BCL2: variants seen among roughly 807,000 people sequenced by gnomAD.
BCL2 encodes the protein apoptosis regulator Bcl-2.
Under a neutral mutation model 14.2 loss-of-function variants are expected in BCL2, and 1 was observed. The ratio of observed to expected loss-of-function variants is 0.07; its 90% CI spans 0.02 to 0.33. The LOEUF is 0.33. BCL2 is among the 10% of genes least tolerant of loss of function. BCL2 has a pLI of 0.99. For missense variants in BCL2, 247 were observed against 305.9 expected (o/e 0.81, Z 1.44); for synonymous variants, 151 against 137.2 (o/e 1.10, Z -0.70).
intron 2 of BCL2, among the ~76,000 whole-genome samples, chr18:63,265,447 C>T (rs1401680952): frequency 1.3e-5 from 2 of 152,142 alleles, no homozygotes; most frequent in Non-Finnish European, 2.9e-5. Context: ...GAAACCAGGG[C>T]AGTTAGGTCA....
At chr18:63,251,524 A>C (rs1911315346) in intron 2 of BCL2, among the ~76,000 whole-genome samples, 1 of 151,210 alleles carries the variant, frequency 6.6e-6, no homozygotes, top group African/African-American at 2.4e-5. Context: ...GGGCGCCTGT[A>C]GTCCCAGCTA....
intron 2 of BCL2, among the ~76,000 whole-genome samples, chr18:63,291,967 C>G (rs1269158977): frequency 2.0e-5 from 3 of 152,080 alleles, no homozygotes; most frequent in African/African-American, 7.2e-5. Context: ...CTAGAAACCA[C>G]TTTATATCAG....
chr18:63,178,797 T>C (rs1915409507), intron 2 of BCL2, among the ~76,000 whole-genome samples: 1 of 151,760 alleles, frequency 6.6e-6, no homozygotes, highest in Admixed American at 6.6e-5. Context: ...CTCCCTGCTT[T>C]GTTGTGAAAT....
intron 2 of BCL2, among the ~76,000 whole-genome samples, chr18:63,165,488 C>A (rs1200222574): frequency 6.6e-6 from 1 of 152,248 alleles, no homozygotes; most frequent in Non-Finnish European, 1.5e-5. Flanking sequence ...CCTCCAACCA[C>A]ATCCCTGGCC....
At chr18:63,152,036 G>T (rs1378456011) in intron 2 of BCL2, among the ~76,000 whole-genome samples, 1 of 152,160 alleles carries the variant, frequency 6.6e-6, no homozygotes, top group Non-Finnish European at 1.5e-5. Flanking sequence ...TCAGAGAAAT[G>T]CCCTCAGAAC....
At chr18:63,276,802 C>T (rs1912165508) in intron 2 of BCL2, among the ~76,000 whole-genome samples, 1 of 152,170 alleles carries the variant, frequency 6.6e-6, no homozygotes, top group South Asian at 2.1e-4. Context: ...ATTATGTCTT[C>T]CAGTGTAGTC....
intron 2 of BCL2, among the ~76,000 whole-genome samples, chr18:63,262,429 A>G (rs572313791): frequency 1.3e-5 from 2 of 152,288 alleles, no homozygotes; most frequent in East Asian, 3.9e-4. Context: ...TCACAACTCC[A>G]CCTCCTGTTC....
In BCL2 at chr18:63,205,292, C is replaced by A. The variant is rs558420090; in HGVS notation, c.586-76533G>T. Among the ~76,000 whole-genome samples, 5 of 152,310 alleles carry A rather than the reference C, an allele frequency of 3.3e-5. 1 individual carries two copies. Among genetic ancestry groups the A allele is most frequent in the African/African-American group, 1.2e-4 (5 of 41,584 alleles). On this transcript the variant is annotated intron_variant, in intron 2 of 2. Coordinates refer to ENST00000333681, the MANE Select transcript of BCL2 (RefSeq NM_000633.3). ...TTTGTACACCTGGCTGTCTTCCCTG[C>A]TAGATTGTAAGTGCTTTAAAAGCAG...
chr18:63,258,792 A>T (rs1398151931), intron 2 of BCL2, among the ~76,000 whole-genome samples: 1 of 152,176 alleles, frequency 6.6e-6, no homozygotes, highest in African/African-American at 2.4e-5. Flanking sequence ...TCAAAATCAA[A>T]CACAAATTAT....
intron 2 of BCL2, among the ~76,000 whole-genome samples, chr18:63,166,011 A>G (rs954227884): frequency 6.6e-6 from 1 of 152,190 alleles, no homozygotes; most frequent in Non-Finnish European, 1.5e-5. Context: ...TTTGTTAAAC[A>G]AGGGTCCTTC....
chr18:63,142,658 G>C lies in BCL2; in HGVS notation c.586-13899C>G, dbSNP rs146631783. ...GATCCTCTGAGAAGCCCATGGGAGA[G>C]GCTTCTTATCCACACCATCAATCTA... On this transcript the variant is annotated intron_variant, in intron 2 of 2. Coordinates refer to ENST00000333681, the MANE Select transcript of BCL2 (RefSeq NM_000633.3). Among the ~76,000 whole-genome samples, 203 of 152,306 alleles carry C rather than the reference G, an allele frequency of 1.3e-3. 1 individual carries two copies. The highest frequency in any genetic ancestry group is 4.7e-3 in the African/African-American group (194 of 41,570).
At position 63,256,445 on chromosome 18, in the gene BCL2, G is replaced by A. The variant is rs549335078; in HGVS notation, c.585+61637C>T. On this transcript the variant is annotated intron_variant, in intron 2 of 2. Transcript: ENST00000333681. ...TTGGCCAGGCTGGTCTTGAACTTCC[G>A]ACCTCGAGTGATCTGCCCGCCTTGA... Among the ~76,000 whole-genome samples, 6 of 152,296 alleles carry A rather than the reference G, an allele frequency of 3.9e-5. No homozygotes were observed. The East Asian group carries it at 7.7e-4, about 20-fold the overall frequency.
intron 2 of BCL2, among the ~76,000 whole-genome samples, chr18:63,155,274 AG>A (rs1490643405): frequency 6.6e-6 from 1 of 152,240 alleles, no homozygotes; most frequent in African/African-American, 2.4e-5. Flanking sequence ...TCGGGACAGC[AG>A]GGCCACAGCA....
rs145441568 is a variant in BCL2 at position 63,211,306 on chromosome 18, T to A, written c.586-82547A>T. Reference sequence around the variant, plus strand: ...CTCCTGACCTCAAGTGACCTGCCTGTCTCAGCCTCCCAAGGTGCTGGGATT... The same window carrying A: ...CTCCTGACCTCAAGTGACCTGCCTGACTCAGCCTCCCAAGGTGCTGGGATT... On this transcript the variant is annotated intron_variant, in intron 2 of 2. Coordinates refer to ENST00000333681, the MANE Select transcript of BCL2 (RefSeq NM_000633.3). 1.2e-3 allele frequency among the ~76,000 whole-genome samples: 176 copies of A among 152,072 alleles called. No homozygotes were observed. In the East Asian group the frequency reaches 0.03, roughly 26 times the overall value.
intron 2 of BCL2, among the ~76,000 whole-genome samples, chr18:63,172,499 C>T (rs1314687352): frequency 3.9e-5 from 6 of 152,222 alleles, no homozygotes; most frequent in South Asian, 4.1e-4. Context: ...AGTGAATTCC[C>T]GGCCGGGCGT....
intron 2 of BCL2, among the ~76,000 whole-genome samples, chr18:63,231,507 G>A (rs181747744): frequency 3.3e-5 from 5 of 152,112 alleles, no homozygotes; most frequent in African/African-American, 4.8e-5. Context: ...TGGCAGGGAC[G>A]CTGGAGACAA....
chr18:63,307,039 T>C (rs1821491847), intron 2 of BCL2, among the ~76,000 whole-genome samples: 2 of 152,156 alleles, frequency 1.3e-5, no homozygotes, highest in Non-Finnish European at 2.9e-5. Flanking sequence ...TTTAAAAGTA[T>C]GGTATAAATG....
intron 2 of BCL2, among the ~76,000 whole-genome samples, chr18:63,173,588 C>T (rs1027675851): frequency 7.9e-5 from 12 of 152,200 alleles, no homozygotes; most frequent in African/African-American, 2.4e-4. Context: ...TCTAAATAGA[C>T]GTGGAAAAAC....
chr18:63,169,387 CT>C lies in BCL2; in HGVS notation c.586-40629del, dbSNP rs768707055. 3.1e-5 allele frequency among the ~76,000 whole-genome samples: 2 copies of C among 65,538 alleles called. 1 individual carries two copies. Among genetic ancestry groups the C allele is most frequent in the African/African-American group, 1.7e-4 (2 of 12,054 alleles). The allele number at this position is 65,538 out of a possible 152,430, so 43.0% of individuals were successfully genotyped here. A position where few individuals can be genotyped will look rare whatever the true frequency, so the allele number is the denominator to read the frequency against. On this transcript the variant is annotated intron_variant, in intron 2 of 2. Transcript: ENST00000333681. ...TTTCTTTCTCTTTCTTTCTTTCTTT[CT>C]TTTTCTTTCTTTCTTTTTCTTTCTC...
Sources: gnomAD v4.1 joint callset for allele counts (sites outside exome capture counted in the v4.1 genomes callset) on GRCh38, gnomAD v4.1.1 for gene constraint, MANE v1.5 for transcripts, NCBI Gene and HGNC (gene_info 2026-07-23, HGNC 2026-07-21) for gene names.